The following ADAM9 variants were observed in gnomAD, a reference collection of about 807,000 sequenced individuals.
ADAM9 encodes disintegrin and metalloproteinase domain-containing protein 9.
Under a neutral mutation model 108.1 loss-of-function variants are expected in ADAM9, and 54 were observed. The ratio of observed to expected loss-of-function variants is 0.50; its 90% CI spans 0.40 to 0.63. ADAM9 has a LOEUF of 0.63. ADAM9 is among the 20% of genes least tolerant of loss of function. The probability of loss-of-function intolerance (pLI) is 0.00; values close to 1 mark genes in which losing one functional copy is unlikely to be tolerated. For synonymous variants in ADAM9, 316 were observed against 336.0 expected, an observed-to-expected ratio of 0.94 and a Z score of 0.65; for missense variants, 830 against 997.7, an observed-to-expected ratio of 0.83 and a Z score of 2.26.
At chr8:39,045,319 T>TACAC (rs1491389572) in intron 12 of ADAM9, among the ~76,000 whole-genome samples, 4 of 147,616 alleles carry the variant, frequency 2.7e-5, no homozygotes, top group African/African-American at 1.0e-4. Context: ...TGTGTACACC[T>TACAC]ATACATGTGT....
intron 11 of ADAM9, among the ~76,000 whole-genome samples, chr8:39,034,217 T>C (rs1314406340): frequency 6.6e-6 from 1 of 152,208 alleles, no homozygotes; most frequent in Non-Finnish European, 1.5e-5. Flanking sequence ...TAGTAGATAC[T>C]GTTTTTCTTC....
At chr8:39,045,256 GTA>G (rs1335845189) in intron 12 of ADAM9, among the ~76,000 whole-genome samples, 2 of 143,822 alleles carry the variant, frequency 1.4e-5, no homozygotes, top group Non-Finnish European at 3.1e-5. Flanking sequence ...ACATATATGT[GTA>G]TATATGTGTA....
At chr8:39,055,488 T>C in intron 13 of ADAM9, 89 bp from the exon 14 acceptor site, 1 of 1,325,494 alleles carries the variant, frequency 7.5e-7, no homozygotes. Context: ...TTAGAATGCT[T>C]TATAGATGTA....
chr8:39,088,733 A>G (rs1839254384), intron 18 of ADAM9, among the ~76,000 whole-genome samples: 1 of 152,216 alleles, frequency 6.6e-6, no homozygotes, highest in African/African-American at 2.4e-5. Flanking sequence ...AAGGCGTAAA[A>G]ATAAGATTGA....
At position 39,055,643 on chromosome 8, in the gene ADAM9, G is replaced by A. The variant is rs757206267; in HGVS notation, c.1462G>A (p.Gly488Ser). 7 of 1,613,620 alleles carry A rather than the reference G, an allele frequency of 4.3e-6. No homozygotes were observed. The highest frequency in any genetic ancestry group is 5.9e-6 in the Non-Finnish European group (7 of 1,179,756). The change falls in exon 14 of 22, where the codon GGT becomes AGT. Residue 488 changes from glycine to serine, a missense_variant. Around this residue, in one of 3 missense-constraint regions of ADAM9, gnomAD observed 381 missense variants for 539.8 expected, o/e 0.71. Transcript: ENST00000487273. ...SECDVPEYCN[G>S]SSQFCQPDVF... Reference sequence around the variant, plus strand: ...GTGTGATGTTCCAGAGTACTGCAATGGTTCTTCTCAGTTCTGTCAGCCAGA... The same window carrying A: ...GTGTGATGTTCCAGAGTACTGCAATAGTTCTTCTCAGTTCTGTCAGCCAGA...
chr8:38,997,555 C>T (rs1835860416), intron 1 of ADAM9, among the ~76,000 whole-genome samples: 1 of 152,194 alleles, frequency 6.6e-6, no homozygotes, highest in Non-Finnish European at 1.5e-5. Flanking sequence ...CCTCCAAACG[C>T]CTGCAGGGAG....
intron 11 of ADAM9, among the ~76,000 whole-genome samples, chr8:39,028,504 A>T (rs552930305): frequency 1.3e-5 from 2 of 152,360 alleles, no homozygotes; most frequent in South Asian, 4.1e-4. Context: ...GAAATGTGTA[A>T]TGAGCAATGA....
chr8:39,100,216 G>A (rs28564878), intron 20 of ADAM9, among the ~76,000 whole-genome samples: 62,073 of 151,444 alleles, frequency 0.41, 13,466 homozygotes, highest in East Asian at 0.7. Context: ...TCGGCTGGGC[G>A]CGGTGGCTCA....
chr8:39,063,042 A>G (rs1004427070), intron 14 of ADAM9, among the ~76,000 whole-genome samples: 1 of 152,232 alleles, frequency 6.6e-6, no homozygotes, highest in Non-Finnish European at 1.5e-5. Context: ...GCAACATTCA[A>G]TGCAGACTGT....
At chr8:39,081,108 C>T (rs572266899) in intron 16 of ADAM9, among the ~76,000 whole-genome samples, 20 of 152,044 alleles carry the variant, frequency 1.3e-4, no homozygotes, top group Admixed American at 8.5e-4. Context: ...CCACCATGCC[C>T]GGCTAATTTT....
intron 14 of ADAM9, among the ~76,000 whole-genome samples, chr8:39,061,260 G>A (rs1002721642): frequency 1.6e-4 from 24 of 152,204 alleles, no homozygotes; most frequent in Non-Finnish European, 3.1e-4. Context: ...TCACTCCACA[G>A]GTCAGGGAAC....
intron 16 of ADAM9, among the ~76,000 whole-genome samples, chr8:39,080,798 C>T (rs922688159): frequency 6.6e-6 from 1 of 152,084 alleles, no homozygotes; most frequent in Non-Finnish European, 1.5e-5. Context: ...TTCAATTTTG[C>T]TCCCCACTTG....
At position 39,090,138 on chromosome 8, in the gene ADAM9, G is replaced by A. The variant is rs536279890; in HGVS notation, c.2160G>A (p.Arg720=). Residue 720 remains arginine, a synonymous_variant, in exon 19 of 22, where the codon AGG becomes AGA. Coordinates refer to ENST00000487273, the MANE Select transcript of ADAM9 (RefSeq NM_003816.3). ...IVCAIFIFIK[R]DQLWRSYFRK... ...GTGCTATTTTTATCTTCATCAAGAG[G>A]GATCAACTGTGGAGAAGCTACTTCA... The A allele has an allele frequency of 1.7e-5, 27 of 1,613,590 alleles. No individual in the cohort carries two copies. The highest frequency in any genetic ancestry group is 8.9e-5 in the East Asian group (4 of 44,848).
intron 7 of ADAM9, among the ~76,000 whole-genome samples, chr8:39,021,386 C>G (rs999892561): frequency 6.6e-6 from 1 of 152,086 alleles, no homozygotes; most frequent in Admixed American, 6.6e-5. Context: ...CGGGTTCAAG[C>G]GATTCTCCTG....
intron 14 of ADAM9, among the ~76,000 whole-genome samples, chr8:39,060,382 C>T (rs895340013): frequency 3.3e-5 from 5 of 152,224 alleles, no homozygotes; most frequent in Non-Finnish European, 5.9e-5. Context: ...CAGAGTTTCT[C>T]TTTGTTCTGG....
At chr8:39,037,458 G>GT (rs758149510) in intron 11 of ADAM9, among the ~76,000 whole-genome samples, 22,112 of 126,446 alleles carry the variant, frequency 0.17, 2,054 homozygotes, top group South Asian at 0.32. Flanking sequence ...GTGTGTGTGT[G>GT]TTTTTTTTTT....
At chr8:39,044,901 C>T (rs1312298263) in intron 12 of ADAM9, among the ~76,000 whole-genome samples, 3 of 142,358 alleles carry the variant, frequency 2.1e-5, no homozygotes, top group Non-Finnish European at 3.0e-5. Flanking sequence ...TATGTGTGTG[C>T]ACACATACAT....
intron 14 of ADAM9, among the ~76,000 whole-genome samples, chr8:39,058,961 C>G (rs1349872887): frequency 6.6e-6 from 1 of 152,166 alleles, no homozygotes; most frequent in East Asian, 1.9e-4. Context: ...CTTGCCCCAG[C>G]ACTGTAAGGT....
At chr8:39,081,889 T>C (rs1839035661) in intron 16 of ADAM9, among the ~76,000 whole-genome samples, 1 of 152,168 alleles carries the variant, frequency 6.6e-6, no homozygotes, top group South Asian at 2.1e-4. Context: ...TTTTTTCCTC[T>C]AACATCACAA....
Sources: allele counts gnomAD v4.1 joint callset (sites outside exome capture counted in the v4.1 genomes callset), GRCh38; gene constraint gnomAD v4.1.1; regional missense constraint gnomAD v4.1.1; transcripts MANE v1.5; gene names NCBI Gene and HGNC (gene_info 2026-07-23, HGNC 2026-07-21).